Variants in CFAP20DC observed in about 807,000 individuals in gnomAD.
CFAP20DC encodes protein CFAP20DC.
A neutral mutation model predicts 101.7 loss-of-function variants in CFAP20DC; 84 were observed. That is an observed-to-expected ratio of 0.83 (90% confidence interval 0.69 to 0.99). The LOEUF is 0.99. Among genes scored for constraint, CFAP20DC ranks in the 50% least tolerant of loss-of-function variants. The pLI, the probability that CFAP20DC is intolerant of heterozygous loss-of-function variation, is 0.00. For synonymous variants in CFAP20DC, 359 were observed against 351.2 expected (o/e 1.02, Z -0.25); for missense variants, 1,007 against 970.3 (o/e 1.04, Z -0.50).
At chr3:58,853,096 T>C (rs545034568) in intron 12 of CFAP20DC, among the ~76,000 whole-genome samples, 1 of 151,992 alleles carries the variant, frequency 6.6e-6, no homozygotes, top group South Asian at 2.1e-4. Context: ...GCAAGACTAA[T>C]AAAGAAGAAA....
At chr3:58,956,667 A>G (rs1224698649) in intron 4 of CFAP20DC, among the ~76,000 whole-genome samples, 1 of 152,200 alleles carries the variant, frequency 6.6e-6, no homozygotes, top group Admixed American at 6.5e-5. Flanking sequence ...CAAAGGAAAT[A>G]TATTAGTCCA....
intron 4 of CFAP20DC, among the ~76,000 whole-genome samples, chr3:58,980,808 C>T (rs1016949672): frequency 6.6e-6 from 1 of 152,154 alleles, no homozygotes; most frequent in African/African-American, 2.4e-5. Flanking sequence ...GACAGGGATG[C>T]CCTCTCTCAC....
At chr3:58,816,846 C>A (rs2075210550) in intron 14 of CFAP20DC, among the ~76,000 whole-genome samples, 2 of 152,144 alleles carry the variant, frequency 1.3e-5, no homozygotes, top group South Asian at 2.1e-4. Context: ...AGGGCACAGA[C>A]AAACAAAAAG....
chr3:58,986,260 G>C (rs1174611996), intron 4 of CFAP20DC, among the ~76,000 whole-genome samples: 1 of 152,146 alleles, frequency 6.6e-6, no homozygotes, highest in Non-Finnish European at 1.5e-5. Context: ...GCCAAAGTAG[G>C]GTATGTGTTT....
At chr3:58,839,048 T>C (rs1353788786) in intron 13 of CFAP20DC, among the ~76,000 whole-genome samples, 3 of 152,226 alleles carry the variant, frequency 2.0e-5, no homozygotes, top group African/African-American at 4.8e-5. Context: ...CCAACTGATA[T>C]ATCTGGAGTG....
chr3:58,941,913 T>C (rs1438831368), intron 4 of CFAP20DC, among the ~76,000 whole-genome samples: 2 of 152,180 alleles, frequency 1.3e-5, no homozygotes, highest in East Asian at 3.9e-4. Context: ...ACATCTTAAA[T>C]AGAAATCATT....
chr3:58,977,988 G>A (rs1374589819), intron 4 of CFAP20DC, among the ~76,000 whole-genome samples: 4 of 152,164 alleles, frequency 2.6e-5, no homozygotes, highest in Non-Finnish European at 4.4e-5. Context: ...CTTCCTCTCA[G>A]GAACTGAATG....
At chr3:58,853,709 C>T (rs1410786048) in intron 12 of CFAP20DC, among the ~76,000 whole-genome samples, 7 of 152,202 alleles carry the variant, frequency 4.6e-5, no homozygotes, top group South Asian at 4.2e-4. Flanking sequence ...TAATCCAGCA[C>T]ATAAACAGAA....
chr3:58,826,881 A>G (rs894233512), intron 14 of CFAP20DC, among the ~76,000 whole-genome samples: 10 of 152,138 alleles, frequency 6.6e-5, no homozygotes, highest in African/African-American at 2.4e-4. Flanking sequence ...AGGGAAGCGA[A>G]TAATTCTGTT....
rs533630614 is a variant in CFAP20DC, at chr3:58,909,491, C to T, written c.550+4217G>A. Among the ~76,000 whole-genome samples, 16 of 152,242 alleles carry T rather than the reference C, an allele frequency of 1.1e-4. 1 individual carries two copies. The highest frequency in any genetic ancestry group is 1.0e-3 in the Admixed American group (16 of 15,282). On this transcript the variant is annotated intron_variant, in intron 6 of 16. Coordinates refer to ENST00000482387, the MANE Select transcript of CFAP20DC (RefSeq NM_001394063.1). ...CTTTCTAAATCCTCCATTAGCACTA[C>T]AACACCACAATCAATTTTATTCTTC...
chr3:58,933,915 T>G lies in CFAP20DC; in HGVS notation c.393+3733A>C, dbSNP rs1198054711. The stretch of plus-strand genomic sequence containing the variant: ...AAGCTAGCAGAAGGCGAGAAATAAC[T>G]AAAATCAGAGCAGAACTGAAGGAAA... On this transcript the variant is annotated intron_variant, in intron 5 of 16. Transcript: ENST00000482387. 4.0e-5 allele frequency among the ~76,000 whole-genome samples: 6 copies of G among 151,766 alleles called. No individual in the cohort carries two copies. The East Asian group carries it at 1.2e-3, about 29-fold the overall frequency.
At chr3:58,945,614 C>T (rs906338067) in intron 4 of CFAP20DC, among the ~76,000 whole-genome samples, 2 of 152,136 alleles carry the variant, frequency 1.3e-5, no homozygotes, top group South Asian at 4.1e-4. Context: ...GCGAGGACTC[C>T]TGAGAATCAC....
At chr3:58,815,130 A>C (rs2075007704) in intron 14 of CFAP20DC, among the ~76,000 whole-genome samples, 1 of 150,414 alleles carries the variant, frequency 6.6e-6, no homozygotes, top group Non-Finnish European at 1.5e-5. Flanking sequence ...ACAGTAACCA[A>C]AACAGCATGG....
chr3:58,834,906 T>TA (rs752958212), intron 13 of CFAP20DC, among the ~76,000 whole-genome samples: 5 of 152,120 alleles, frequency 3.3e-5, no homozygotes, highest in Non-Finnish European at 5.9e-5. Flanking sequence ...AAAACATACA[T>TA]AAAAAATTGG....
chr3:58,800,308 T>C (rs993755715), intron 15 of CFAP20DC, among the ~76,000 whole-genome samples: 3 of 152,176 alleles, frequency 2.0e-5, no homozygotes, highest in Non-Finnish European at 4.4e-5. Context: ...ACTCAGACTA[T>C]AGCAGTGAAA....
chr3:58,886,263 A>G (rs550379571), intron 6 of CFAP20DC, among the ~76,000 whole-genome samples: 2 of 152,314 alleles, frequency 1.3e-5, no homozygotes, highest in South Asian at 4.1e-4. Context: ...CCAGCACTTG[A>G]GGAGTGTTAA....
At chr3:58,958,357 G>A (rs1289129708) in intron 4 of CFAP20DC, among the ~76,000 whole-genome samples, 1 of 152,058 alleles carries the variant, frequency 6.6e-6, no homozygotes, top group Non-Finnish European at 1.5e-5. Flanking sequence ...CAGAATGTAT[G>A]GTAACTTTTT....
intron 13 of CFAP20DC, among the ~76,000 whole-genome samples, chr3:58,835,790 T>C (rs1042216567): frequency 6.6e-6 from 1 of 152,198 alleles, no homozygotes; most frequent in African/African-American, 2.4e-5. Flanking sequence ...AAAGGCTAAA[T>C]CATTTATTTG....
At chr3:58,750,802 G>A (rs1235795174) in intron 16 of CFAP20DC, among the ~76,000 whole-genome samples, 1 of 152,160 alleles carries the variant, frequency 6.6e-6, no homozygotes, top group Non-Finnish European at 1.5e-5. Context: ...TTCCATACAT[G>A]AGGAATCCAT....
Sources: gnomAD v4.1 joint callset for allele counts (sites outside exome capture counted in the v4.1 genomes callset) on GRCh38, gnomAD v4.1.1 for gene constraint, MANE v1.5 for transcripts, NCBI Gene and HGNC (gene_info 2026-07-23, HGNC 2026-07-21) for gene names.